Variants in CDC42SE2 observed in about 807,000 individuals in gnomAD.
CDC42SE2 encodes the protein CDC42 small effector 2.
In CDC42SE2, 3 loss-of-function variants were observed where a neutral mutation model predicts 11.5. The observed-to-expected ratio is 0.26, with a 90% CI of 0.12 to 0.67. The LOEUF is 0.67. Among genes scored for constraint, CDC42SE2 ranks in the 30% least tolerant of loss-of-function variants. The pLI is 0.80. For missense variants in CDC42SE2, 82 were observed against 106.8 expected (o/e 0.77, Z 1.02); for synonymous variants, 33 against 34.8 (o/e 0.95, Z 0.18).
chr5:131,361,154 C>T (rs1381668233), intron 3 of CDC42SE2, among the ~76,000 whole-genome samples: 1 of 149,286 alleles, frequency 6.7e-6, no homozygotes. Context: ...ATTCTGTTGC[C>T]CAGGCTGGAG....
chr5:131,274,482 C>T (rs1391216015), intron 1 of CDC42SE2, among the ~76,000 whole-genome samples: 23 of 152,196 alleles, frequency 1.5e-4, no homozygotes, highest in Admixed American at 1.5e-3. Flanking sequence ...AAGCAACCAT[C>T]GTCTCTTGCA....
intron 2 of CDC42SE2, among the ~76,000 whole-genome samples, chr5:131,319,066 C>G (rs931910864): frequency 6.6e-6 from 1 of 151,906 alleles, no homozygotes; most frequent in Non-Finnish European, 1.5e-5. Context: ...CACTCCTGGC[C>G]AAGTTTTTTT....
At chr5:131,291,847 A>G (rs1275657642) in intron 1 of CDC42SE2, among the ~76,000 whole-genome samples, 1 of 152,180 alleles carries the variant, frequency 6.6e-6, no homozygotes, top group African/African-American at 2.4e-5. Flanking sequence ...GGCACTTCAT[A>G]ATAGACAAGG....
At chr5:131,335,463 T>C (rs1329374409) in intron 2 of CDC42SE2, among the ~76,000 whole-genome samples, 3 of 152,182 alleles carry the variant, frequency 2.0e-5, no homozygotes, top group African/African-American at 7.2e-5. Flanking sequence ...GGTGGAGAGT[T>C]CTGTAGATGT....
At chr5:131,331,551 G>C (rs1355148958) in intron 2 of CDC42SE2, among the ~76,000 whole-genome samples, 1 of 152,142 alleles carries the variant, frequency 6.6e-6, no homozygotes, top group East Asian at 1.9e-4. Context: ...AAAGTATATA[G>C]TGAAATATAT....
At chr5:131,333,604 G>A (rs1047081297) in intron 2 of CDC42SE2, among the ~76,000 whole-genome samples, 22 of 152,168 alleles carry the variant, frequency 1.4e-4, no homozygotes, top group Non-Finnish European at 1.3e-4. Context: ...CATGAGCATG[G>A]AATGTTCTTC....
At chr5:131,294,136 A>AATT (rs1352389265) in intron 1 of CDC42SE2, among the ~76,000 whole-genome samples, 2 of 152,204 alleles carry the variant, frequency 1.3e-5, no homozygotes, top group African/African-American at 4.8e-5. Context: ...CTGTTTGAAA[A>AATT]GTACGCACAA....
intron 1 of CDC42SE2, among the ~76,000 whole-genome samples, chr5:131,291,163 A>G (rs1381776907): frequency 6.6e-6 from 1 of 152,172 alleles, no homozygotes; most frequent in African/African-American, 2.4e-5. Context: ...TCAAATTGTC[A>G]TATCTTAATC....
intron 3 of CDC42SE2, among the ~76,000 whole-genome samples, chr5:131,380,901 C>T (rs562030459): frequency 6.6e-6 from 1 of 152,314 alleles, no homozygotes; most frequent in East Asian, 1.9e-4. Context: ...TCCCCTGCAG[C>T]GTGTCTTCTC....
intron 2 of CDC42SE2, among the ~76,000 whole-genome samples, chr5:131,328,035 T>C (rs1481734713): frequency 6.6e-6 from 1 of 152,140 alleles, no homozygotes; most frequent in African/African-American, 2.4e-5. Flanking sequence ...AGAGAGAACA[T>C]GAGTGAGAAG....
chr5:131,277,322 A>G (rs192638910), intron 1 of CDC42SE2, among the ~76,000 whole-genome samples: 1 of 152,194 alleles, frequency 6.6e-6, no homozygotes, highest in Admixed American at 6.5e-5. Flanking sequence ...CTTTAACTTC[A>G]TAATGTTCTG....
At chr5:131,386,023 CAGTT>C (rs1750472353) in intron 4 of CDC42SE2, among the ~76,000 whole-genome samples, 1 of 152,164 alleles carries the variant, frequency 6.6e-6, no homozygotes, top group South Asian at 2.1e-4. Context: ...CTTTTAAGTT[CAGTT>C]AGTTGCCTTT....
chr5:131,388,005 CT>C (rs199641703), intron 4 of CDC42SE2, among the ~76,000 whole-genome samples: 4 of 149,964 alleles, frequency 2.7e-5, no homozygotes, highest in Non-Finnish European at 3.0e-5. Flanking sequence ...CAATTAGTAA[CT>C]TTTTTTTTTG....
At chr5:131,369,350 C>T (rs750852961) in intron 3 of CDC42SE2, among the ~76,000 whole-genome samples, 1 of 152,088 alleles carries the variant, frequency 6.6e-6, no homozygotes, top group African/African-American at 2.4e-5. Flanking sequence ...AAACCTAGTA[C>T]GCGACTATTA....
intron 3 of CDC42SE2, among the ~76,000 whole-genome samples, chr5:131,381,795 T>A (rs1230862072): frequency 6.6e-6 from 1 of 152,264 alleles, no homozygotes; most frequent in Non-Finnish European, 1.5e-5. Context: ...AGCTATTTAA[T>A]CATGTTATTC....
At position 131,287,156 on chromosome 5, in the gene CDC42SE2, A is replaced by G. The variant is rs1757358028; in HGVS notation, c.-455+22990A>G. On this transcript the variant is annotated intron_variant, in intron 1 of 4. Coordinates refer to ENST00000505065, the MANE Select transcript of CDC42SE2 (RefSeq NM_001375635.1). ...ATTATAGGGGCCCGCCACCATGCCC[A>G]GCTAATTTTTGTATTTTTAGTAGAG... 2.6e-5 allele frequency among the ~76,000 whole-genome samples: 4 copies of G among 152,116 alleles called. 1 individual carries two copies. In the South Asian group the frequency reaches 8.3e-4, roughly 32 times the overall value.
chr5:131,359,923 A>G (rs1172689434), intron 3 of CDC42SE2, among the ~76,000 whole-genome samples: 2 of 152,030 alleles, frequency 1.3e-5, no homozygotes, highest in African/African-American at 4.8e-5. Flanking sequence ...TCAGCTTACC[A>G]TCTCATTTTC....
chr5:131,320,005 C>T (rs1334699994), intron 2 of CDC42SE2, among the ~76,000 whole-genome samples: 16 of 137,912 alleles, frequency 1.2e-4, no homozygotes, highest in Non-Finnish European at 3.0e-5. Flanking sequence ...GAGCGGAGAT[C>T]GCGCCACTGC....
At chr5:131,310,619 A>G (rs1222699260) in intron 1 of CDC42SE2, among the ~76,000 whole-genome samples, 3 of 151,494 alleles carry the variant, frequency 2.0e-5, no homozygotes, top group African/African-American at 7.3e-5. Flanking sequence ...TGCTTTATGA[A>G]TCTGGGTGCT....
Sources: allele counts gnomAD v4.1 joint callset (sites outside exome capture counted in the v4.1 genomes callset), GRCh38; gene constraint gnomAD v4.1.1; transcripts MANE v1.5; gene names NCBI Gene and HGNC (gene_info 2026-07-23, HGNC 2026-07-21).